WAC: variants seen among roughly 807,000 people sequenced by gnomAD.
The protein encoded by WAC is WW domain-containing adapter protein with coiled-coil.
WAC carries 11 observed loss-of-function variants against 79.6 expected under a neutral mutation model. That is an observed-to-expected ratio of 0.14 (90% CI 0.09 to 0.23). The LOEUF (loss-of-function observed/expected upper bound fraction) is 0.23, where lower values mean the gene tolerates loss of function less well. Among genes scored for constraint, WAC ranks in the 10% least tolerant of loss-of-function variants. The pLI, the probability that WAC is intolerant of heterozygous loss-of-function variation, is 1.00. For missense variants in WAC, 728 were observed against 773.5 expected (o/e 0.94, Z 0.70); for synonymous variants, 304 against 276.9 (o/e 1.10, Z -0.97).
chr10:28,619,877 T>G lies in WAC; in HGVS notation c.*271T>G, dbSNP rs1246892798. On this transcript the variant is annotated 3_prime_UTR_variant, in exon 14 of 14. Transcript: ENST00000354911. ...CATGGGAAGCCATGTGTAACAGAGCTTAGACATCCAAAACTAATCAATGCT... is the reference window on the plus strand; with the variant it reads ...CATGGGAAGCCATGTGTAACAGAGCGTAGACATCCAAAACTAATCAATGCT... 3.7e-6 allele frequency: 1 copy of G among 271,354 alleles called. No homozygotes were observed. The highest frequency in any genetic ancestry group is 7.1e-5 in the East Asian group (1 of 14,122). The allele number at this position is 271,354 out of a possible 1,614,324, so 16.8% of individuals were successfully genotyped here. A position where few individuals can be genotyped will look rare whatever the true frequency, so the allele number is the denominator to read the frequency against.
At position 28,620,268 on chromosome 10, in the gene WAC, C is replaced by CT. The variant is rs1196428518; in HGVS notation, c.*666dup. 6.6e-6 allele frequency: 1 copy of CT among 152,608 alleles called. No individual in the cohort carries two copies. The highest frequency in any genetic ancestry group is 1.9e-4 in the East Asian group (1 of 5,202). 9.5% of individuals were successfully genotyped at this position (152,608 alleles called of 1,614,324 possible). On this transcript the variant is annotated 3_prime_UTR_variant, in exon 14 of 14. Coordinates refer to ENST00000354911, the MANE Select transcript of WAC (RefSeq NM_016628.5). ...TTCTTAAGGCACTGTTGCTATGGCA[C>CT]TTTTCTATAACCTTTTCATTCCTGT...
In WAC at chr10:28,595,792, A is replaced by G; in HGVS notation, c.670A>G (p.Thr224Ala). The change falls in exon 7 of 14, where the codon ACA becomes GCA. Residue 224 changes from threonine (T) to alanine (A), a missense_variant. This residue lies in a region of WAC where 648 missense variants were observed against 661.5 expected (regional missense o/e 0.98). Coordinates refer to ENST00000354911, the MANE Select transcript of WAC (RefSeq NM_016628.5). ...GCTCCCACAGAATATTTTGTCTCAA[A>G]CAAGCAGACACAATGACAGAGACTA... is the stretch of plus-strand genomic sequence containing the variant. The part of the protein sequence containing the change: ...SLLPQNILSQ[T>A]SRHNDRDYRL... The G allele has an allele frequency of 6.2e-7, 1 of 1,614,086 alleles. No individual in the cohort carries two copies. The highest frequency in any genetic ancestry group is 8.5e-7 in the Non-Finnish European group (1 of 1,180,006).
chr10:28,561,138 C>T (rs1838280716), intron 3 of WAC, among the ~76,000 whole-genome samples: 1 of 152,186 alleles, frequency 6.6e-6, no homozygotes. Context: ...AGGGCATTGA[C>T]ATTGCTGGAG....
chr10:28,583,457 T>C lies in WAC; in HGVS notation c.333T>C (p.Asn111=). 6.2e-7 allele frequency: 1 copy of C among 1,600,604 alleles called. No homozygotes were observed. The highest frequency in any genetic ancestry group is 8.5e-7 in the Non-Finnish European group (1 of 1,174,510). ...SHNHSALHSS[N]SHSSNPSNNP... is the part of the protein sequence containing the mutation. ...ACCACAGTGCTCTTCATAGTTCAAA[T>C]TCACATTCTTCTAATCCAAGCAATA... The change falls in exon 4 of 14, where the codon AAT becomes AAC. Residue 111 remains asparagine, a synonymous_variant. Coordinates refer to ENST00000354911, the MANE Select transcript of WAC (RefSeq NM_016628.5).
At chr10:28,570,570 C>T (rs1031711231) in intron 3 of WAC, among the ~76,000 whole-genome samples, 2 of 152,194 alleles carry the variant, frequency 1.3e-5, no homozygotes, top group African/African-American at 4.8e-5. Flanking sequence ...ATTGGACTTT[C>T]ATTCATGCAT....
At position 28,582,666 on chromosome 10, in the gene WAC, G is replaced by T. The variant is rs61848482; in HGVS notation, c.275-733G>T. Among the ~76,000 whole-genome samples the T allele has an allele frequency of 2.4e-3, 359 of 152,288 alleles. 1 individual carries two copies. The highest frequency in any genetic ancestry group is 0.014 in the Middle Eastern group (4 of 294). ...GAAATACTAACATTAGACTTCTGTG[G>T]TGAACCTTTTTGTGTCATTCATCAA... On this transcript the variant is annotated intron_variant, in intron 3 of 13. Transcript: ENST00000354911.
Position 28,608,231 on chromosome 10 carries a change from C to T in WAC, c.965C>T (p.Pro322Leu). ...DKPVSHSCTT[P>L]STSSASGLNP... Reference sequence around the variant, plus strand: ...CCCGTATCACATTCTTGCACAACTCCTTCCACGTCTTCTGCCTCTGGACTG... The same window carrying T: ...CCCGTATCACATTCTTGCACAACTCTTTCCACGTCTTCTGCCTCTGGACTG... The change falls in exon 8 of 14, where the codon CCT becomes CTT. Residue 322 changes from proline to leucine, a missense_variant. Physicochemically the swap from Pro to Leu is moderately conservative, Grantham distance 98. Around this residue, in one of 3 missense-constraint regions of WAC, gnomAD observed 648 missense variants for 661.5 expected, o/e 0.98. Transcript: ENST00000354911. 1 of 1,614,176 alleles carries T rather than the reference C, an allele frequency of 6.2e-7. No individual in the cohort carries two copies. The highest frequency in any genetic ancestry group is 8.5e-7 in the Non-Finnish European group (1 of 1,180,038).
At chr10:28,554,674 C>CA (rs1837882288) in intron 3 of WAC, among the ~76,000 whole-genome samples, 1 of 152,206 alleles carries the variant, frequency 6.6e-6, no homozygotes, top group South Asian at 2.1e-4. Context: ...AAGAAAAGCA[C>CA]ACTTGCTTGT....
chr10:28,535,788 T>G, intron 3 of WAC, 31 bp downstream of exon 3: 3 of 1,570,242 alleles, frequency 1.9e-6, no homozygotes, highest in Non-Finnish European at 1.7e-6. Flanking sequence ...AACTTTGACA[T>G]ACAGTTTTAA....
At chr10:28,533,700 C>A in intron 1 of WAC, 80 bp downstream of exon 1, 2 of 1,467,980 alleles carry the variant, frequency 1.4e-6, no homozygotes, top group Non-Finnish European at 1.8e-6. Context: ...CTGGAGCTGG[C>A]CGGGCCGCCA....
intron 3 of WAC, among the ~76,000 whole-genome samples, chr10:28,549,241 G>C (rs1039010619): frequency 6.6e-6 from 1 of 152,132 alleles, no homozygotes; most frequent in Admixed American, 6.5e-5. Context: ...TTTCTGTGCT[G>C]CTGTTTTAAT....
At chr10:28,606,872 G>T (rs923018303) in intron 7 of WAC, among the ~76,000 whole-genome samples, 6 of 152,070 alleles carry the variant, frequency 3.9e-5, no homozygotes, top group African/African-American at 1.4e-4. Context: ...TTCCAGTGTG[G>T]TTATATCAAT....
chr10:28,538,202 C>T (rs1233565371), intron 3 of WAC: 1 of 162,706 alleles, frequency 6.1e-6, no homozygotes, highest in Admixed American at 6.2e-5. Context: ...TTTTTTATTG[C>T]TAATGATGTG....
At chr10:28,582,539 A>G (rs1839592012) in intron 3 of WAC, among the ~76,000 whole-genome samples, 1 of 152,164 alleles carries the variant, frequency 6.6e-6, no homozygotes, top group Non-Finnish European at 1.5e-5. Context: ...TTTGTTCATA[A>G]TAGTGTAGCC....
chr10:28,563,492 G>A (rs1183709586), intron 3 of WAC, among the ~76,000 whole-genome samples: 1 of 152,128 alleles, frequency 6.6e-6, no homozygotes, highest in Admixed American at 6.6e-5. Context: ...GGTATCTTTA[G>A]TCTTTTTGGT....
intron 3 of WAC, among the ~76,000 whole-genome samples, chr10:28,561,771 G>C (rs894599645): frequency 1.3e-5 from 2 of 152,164 alleles, no homozygotes; most frequent in Non-Finnish European, 2.9e-5. Context: ...CCTCCTGTCA[G>C]ATCAGCCACG....
chr10:28,603,346 C>A (rs11007157), intron 7 of WAC, among the ~76,000 whole-genome samples: 1 of 152,194 alleles, frequency 6.6e-6, no homozygotes, highest in Non-Finnish European at 1.5e-5. Flanking sequence ...CGAGCTTGAT[C>A]TATAGTAGTC....
chr10:28,599,875 T>A (rs898761712), intron 7 of WAC, among the ~76,000 whole-genome samples: 3 of 152,126 alleles, frequency 2.0e-5, no homozygotes, highest in Admixed American at 6.5e-5. Flanking sequence ...CTATGTATGA[T>A]CACTTTATTG....
intron 11 of WAC, chr10:28,615,030 G>T: frequency 5.5e-6 from 1 of 181,574 alleles, no homozygotes; most frequent in Admixed American, 5.8e-5. Context: ...TAGCAGTTTT[G>T]GTTTGAGTAT....
Sources: gnomAD v4.1 joint callset for allele counts (sites outside exome capture counted in the v4.1 genomes callset) on GRCh38, gnomAD v4.1.1 for gene constraint, gnomAD v4.1.1 regional missense constraint, MANE v1.5 for transcripts, NCBI Gene and HGNC (gene_info 2026-07-23, HGNC 2026-07-21) for gene names.